Variants in YBX2 observed in about 807,000 individuals in gnomAD.
YBX2 encodes Y-box binding protein 2.
In YBX2, 5 loss-of-function variants were observed where a neutral mutation model predicts 44.4. The ratio of observed to expected loss-of-function variants is 0.11; its 90% CI spans 0.06 to 0.24. The LOEUF is 0.24. Among genes scored for constraint, YBX2 ranks in the 10% least tolerant of loss-of-function variants. The probability of loss-of-function intolerance (pLI) is 1.00; values close to 1 mark genes in which losing one functional copy is unlikely to be tolerated. For missense variants in YBX2, 417 were observed against 526.9 expected, an observed-to-expected ratio of 0.79 and a Z score of 2.04; for synonymous variants, 188 against 216.1, an observed-to-expected ratio of 0.87 and a Z score of 1.14.
rs576600949 is a variant in YBX2, at chr17:7,289,609, C to T, written c.965G>A (p.Arg322His). 21 of 1,613,816 alleles carry T rather than the reference C, an allele frequency of 1.3e-5. No individual in the cohort carries two copies. The highest frequency in any genetic ancestry group is 2.2e-5 in the East Asian group (1 of 44,882). Residue 322 changes from arginine (R) to histidine (H), a missense_variant, in exon 7 of 9, where the codon CGC (arginine) becomes CAC (histidine). By Grantham distance (29) the Arg-to-His change is conservative. Transcript: ENST00000007699. The stretch of plus-strand genomic sequence containing the variant: ...CTGCCGTCTCCGCTGGAAGTAGGGG[C>T]GGTTTCGTGGGCGCTGGGGCTCAGG... ...SRPEPQRPRN[R>H]PYFQRRRQQA...
At position 7,290,539 on chromosome 17, in the gene YBX2, G is replaced by GTA; in HGVS notation, c.460-5_460-4insTA. ...TTACATTAGTGGCTTCTGCGCCCTG[G>GTA]GAAGGTGGTAAGGGAATAGTGAGAA... On this transcript the variant is annotated splice_polypyrimidine_tract_variant and splice_region_variant and intron_variant, in intron 4 of 8. Transcript: ENST00000007699. 1 of 1,611,140 alleles carries GTA rather than the reference G, an allele frequency of 6.2e-7. No individual in the cohort carries two copies. Among genetic ancestry groups the GTA allele is most frequent in the African/African-American group, 1.3e-5 (1 of 75,008 alleles).
In YBX2 at chr17:7,293,454, C is replaced by T. The variant is rs370011605; in HGVS notation, c.335+21G>A. On this transcript the variant is annotated intron_variant, in intron 2 of 8. Transcript: ENST00000007699. ...GCTGGGAAGACACCCATTCCACCCC[C>T]GCCCTGGGTTCCTTGGATACCTGTT... The T allele has an allele frequency of 2.5e-4, 397 of 1,613,876 alleles. 1 individual carries two copies. Among genetic ancestry groups the T allele is most frequent in the Non-Finnish European group, 2.8e-4 (334 of 1,179,942 alleles).
At chr17:7,290,596 C>G (rs1419171243) in intron 4 of YBX2, 61 bp from the exon 5 acceptor site, 2 of 1,571,466 alleles carry the variant, frequency 1.3e-6, no homozygotes, top group South Asian at 1.2e-5. Context: ...CATTTCCCAA[C>G]TTGCTTCCCC....
At chr17:7,289,446 G>A (rs2072481589) in intron 7 of YBX2, 84 bp downstream of exon 7, 5 of 1,540,418 alleles carry the variant, frequency 3.2e-6, no homozygotes, top group Non-Finnish European at 3.5e-6. Flanking sequence ...AGGAGCCAAA[G>A]GATAGAGTAG....
Position 7,290,438 on chromosome 17 carries a change from C to T in YBX2, c.557G>A (p.Arg186Gln), listed in dbSNP as rs748338245. 15 of 1,613,920 alleles carry T rather than the reference C, an allele frequency of 9.3e-6. No homozygotes were observed. The highest frequency in any genetic ancestry group is 2.2e-5 in the East Asian group (1 of 44,892). Residue 186 changes from arginine to glutamine, a missense_variant, in exon 5 of 9, where the codon CGG (arginine) becomes CAG (glutamine). Around this residue, in one of 3 missense-constraint regions of YBX2, gnomAD observed 257 missense variants for 261.7 expected, o/e 0.98. Coordinates refer to ENST00000007699, the MANE Select transcript of YBX2 (RefSeq NM_015982.4). Reference sequence around the variant, plus strand: ...GGGTGGTGGGGCAACTGAGGGAGGCCGGGGGATGAATCGGCGGGACTTACG... The same window carrying T: ...GGGTGGTGGGGCAACTGAGGGAGGCTGGGGGATGAATCGGCGGGACTTACG... The part of the protein sequence containing the change: ...NRRKSRRFIP[R>Q]PPSVAPPPMV...
chr17:7,289,137 C>T (rs1220434128), intron 7 of YBX2, among the ~76,000 whole-genome samples: 1 of 152,208 alleles, frequency 6.6e-6, no homozygotes, highest in African/African-American at 2.4e-5. Context: ...GCTGGGATTA[C>T]AGGCATGAGA....
At chr17:7,293,572 T>TG (rs754779618) in intron 1 of YBX2, 34 bp from the exon 2 acceptor site, 1 of 1,613,900 alleles carries the variant, frequency 6.2e-7, no homozygotes. Flanking sequence ...GACAGTGAGA[T>TG]GGGGGGAAGA....
Position 7,290,360 on chromosome 17 carries a change from C to T in YBX2, c.635G>A (p.Arg212Gln), listed in dbSNP as rs747126226. The T allele has an allele frequency of 8.7e-6, 14 of 1,613,714 alleles. No homozygotes were observed. In the East Asian group the frequency reaches 1.1e-4, roughly 13 times the overall value. The stretch of plus-strand genomic sequence containing the variant: ...GGGCCGTTGCCCAGAGTCTTCAGCC[C>T]GCTCCCCTTTACTGCCAGGTCCTGT... ...AGTGPGSKGE[R>Q]AEDSGQRPRR... The change falls in exon 5 of 9, where the codon CGG (arginine) becomes CAG (glutamine). Residue 212 changes from arginine to glutamine, a missense_variant. Coordinates refer to ENST00000007699, the MANE Select transcript of YBX2 (RefSeq NM_015982.4).
At chr17:7,293,248 G>A in intron 2 of YBX2, 1 of 700,460 alleles carries the variant, frequency 1.4e-6, no homozygotes, top group Non-Finnish European at 2.3e-6. Context: ...AGCCAGGTTT[G>A]CCAAGTTCCT....
chr17:7,294,394 T>C lies in YBX2; in HGVS notation c.107A>G (p.Glu36Gly). Residue 36 changes from glutamate (E) to glycine (G), a missense_variant, in exon 1 of 9, where the codon GAG becomes GGG. By Grantham distance (98) the Glu-to-Gly change is moderately conservative (BLOSUM62 -2). This residue lies in a region of YBX2 where 121 missense variants were observed against 141.3 expected (regional missense o/e 0.86). Coordinates refer to ENST00000007699, the MANE Select transcript of YBX2 (RefSeq NM_015982.4). The surrounding 1 kb of genome is among the most constrained non-coding windows in gnomAD (Gnocchi z 4.6). ...VAVVVPVPAG[E>G]PQKGGGAGGG... is the part of the protein sequence containing the mutation. ...GCCCGCCCCGCCGCCTTTCTGCGGCTCCCCTGCGGGCACCGGTACCACCAC... is the reference window on the plus strand; with the variant it reads ...GCCCGCCCCGCCGCCTTTCTGCGGCCCCCCTGCGGGCACCGGTACCACCAC... The C allele has an allele frequency of 7.0e-7, 1 of 1,430,618 alleles. No individual in the cohort carries two copies. Among genetic ancestry groups the C allele is most frequent in the Non-Finnish European group, 9.2e-7 (1 of 1,092,740 alleles). 88.6% of individuals were successfully genotyped at this position (1,430,618 alleles called of 1,614,324 possible).
In YBX2 at chr17:7,289,674, ACCATC is replaced by A; in HGVS notation, c.895_899del (p.Asp299Ter). ...CGGGACCTTGGCTGGGCTTGGTCTC[ACCATC>A]CCCACCTTCTGTGGTAGGCTGCTGG... is the stretch of plus-strand genomic sequence containing the variant. On this transcript the variant is annotated frameshift_variant, in exon 7 of 9. Transcript: ENST00000007699. LOFTEE classifies it high-confidence loss of function. The A allele has an allele frequency of 6.2e-7, 1 of 1,614,034 alleles. No individual in the cohort carries two copies. Among genetic ancestry groups the A allele is most frequent in the South Asian group, 1.1e-5 (1 of 91,084 alleles).
At chr17:7,288,892 G>A in intron 7 of YBX2, 54 bp from the exon 8 acceptor site, 1 of 1,609,656 alleles carries the variant, frequency 6.2e-7, no homozygotes, top group South Asian at 1.1e-5. Context: ...TTGAGACAGA[G>A]TCTCACTCCA....
In YBX2 at chr17:7,294,392, G is replaced by T. The variant is rs1381422451; in HGVS notation, c.109C>A (p.Pro37Thr). The T allele has an allele frequency of 1.4e-6, 2 of 1,430,714 alleles. No individual in the cohort carries two copies. Among genetic ancestry groups the T allele is most frequent in the Admixed American group, 5.1e-5 (2 of 39,416 alleles). The allele number at this position is 1,430,714 out of a possible 1,614,324, so 88.6% of individuals were successfully genotyped here. Reference sequence around the variant, plus strand: ...CCGCCCGCCCCGCCGCCTTTCTGCGGCTCCCCTGCGGGCACCGGTACCACC... The same window carrying T: ...CCGCCCGCCCCGCCGCCTTTCTGCGTCTCCCCTGCGGGCACCGGTACCACC... ...AVVVPVPAGE[P>T]QKGGGAGGGG... Residue 37 changes from proline to threonine, a missense_variant, in exon 1 of 9, where the codon CCG becomes ACG. By Grantham distance (38) the Pro-to-Thr change is conservative (BLOSUM62 -1). Coordinates refer to ENST00000007699, the MANE Select transcript of YBX2 (RefSeq NM_015982.4). The surrounding 1 kb of genome is among the most constrained non-coding windows in gnomAD (Gnocchi z 4.6).
intron 5 of YBX2, 28 bp from the exon 6 acceptor site, chr17:7,290,099 C>T (rs745955227): frequency 6.2e-7 from 1 of 1,613,492 alleles, no homozygotes; most frequent in Non-Finnish European, 8.5e-7. Context: ...CCCCGGTGAG[C>T]TGTGGGGACA....
chr17:7,291,874 G>A lies in YBX2; in HGVS notation c.369+152C>T. The A allele has an allele frequency of 1.1e-6, 1 of 922,028 alleles. No individual in the cohort carries two copies. The highest frequency in any genetic ancestry group is 1.5e-5 in the South Asian group (1 of 68,292). The allele number at this position is 922,028 out of a possible 1,614,324, so 57.1% of individuals were successfully genotyped here. Reference sequence around the variant, plus strand: ...GGACGTTTAGTAACCCAGCACAAGTGCGGCTAATGGTGGTTGACACAGGCA... The same window carrying A: ...GGACGTTTAGTAACCCAGCACAAGTACGGCTAATGGTGGTTGACACAGGCA... On this transcript the variant is annotated intron_variant, in intron 3 of 8. Coordinates refer to ENST00000007699, the MANE Select transcript of YBX2 (RefSeq NM_015982.4). The surrounding 1 kb of genome is among the most constrained non-coding windows in gnomAD (Gnocchi z 5.8).
chr17:7,291,074 C>G lies in YBX2; in HGVS notation c.459+19G>C, dbSNP rs1331913857. The G allele has an allele frequency of 6.2e-7, 1 of 1,611,518 alleles. No individual in the cohort carries two copies. The highest frequency in any genetic ancestry group is 1.3e-5 in the African/African-American group (1 of 74,906). ...CCCGTAAGCCTAGTCAACTCTATAC[C>G]CCATAGCAGTCCCCAAACCTTCTCT... On this transcript the variant is annotated intron_variant, in intron 4 of 8. Transcript: ENST00000007699. The surrounding 1 kb of genome is among the most constrained non-coding windows in gnomAD (Gnocchi z 5.8).
chr17:7,289,706 G>T lies in YBX2; in HGVS notation c.868C>A (p.Arg290Ser). The change falls in exon 7 of 9, where the codon CGC becomes AGC. Residue 290 changes from arginine (R) to serine (S), a missense_variant. Arg to Ser is a moderately radical substitution (Grantham distance 110). Transcript: ENST00000007699. Reference sequence around the variant, plus strand: ...CCACCTTCTGTGGTAGGCTGCTGGCGTGGCCTGGGGCGGAAAGGCCTAAGG... The same window carrying T: ...CCACCTTCTGTGGTAGGCTGCTGGCTTGGCCTGGGGCGGAAAGGCCTAAGG... ...RYRRPFRPRP[R>S]QQPTTEGGDG... is the part of the protein sequence containing the mutation. 1 of 1,608,982 alleles carries T rather than the reference G, an allele frequency of 6.2e-7. No individual in the cohort carries two copies. The highest frequency in any genetic ancestry group is 1.1e-5 in the South Asian group (1 of 90,800).
chr17:7,289,913 C>A, intron 6 of YBX2, 55 bp downstream of exon 6: 1 of 1,606,724 alleles, frequency 6.2e-7, no homozygotes, highest in East Asian at 2.2e-5. Flanking sequence ...CTGTCCCTTG[C>A]CCCAAGGATC....
chr17:7,290,682 T>C lies in YBX2; in HGVS notation c.460-147A>G, dbSNP rs1012697122. 11 of 969,110 alleles carry C rather than the reference T, an allele frequency of 1.1e-5. No individual in the cohort carries two copies. In the African/African-American group the frequency reaches 1.8e-4, roughly 16 times the overall value. 60.0% of individuals were successfully genotyped at this position (969,110 alleles called of 1,614,324 possible). A position where few individuals can be genotyped will look rare whatever the true frequency, so the allele number is the denominator to read the frequency against. On this transcript the variant is annotated intron_variant, in intron 4 of 8. Transcript: ENST00000007699. ...CTTTCTACCCTCCCTGGAGAGGCAG[T>C]GGAATGTGCTTGCACCCATTTGGGA...
Sources: allele counts gnomAD v4.1 joint callset (sites outside exome capture counted in the v4.1 genomes callset), GRCh38; gene constraint gnomAD v4.1.1; regional missense constraint gnomAD v4.1.1; non-coding constraint Gnocchi (gnomAD v3.1); transcripts MANE v1.5; gene names NCBI Gene and HGNC (gene_info 2026-07-23, HGNC 2026-07-21).